The following KIF24 variants were observed in gnomAD, a reference collection of about 807,000 sequenced individuals.
KIF24 encodes kinesin family member 24, also known as kinesin-like protein KIF24.
KIF24 carries 81 observed loss-of-function variants against 118.9 expected under a neutral mutation model. The ratio of observed to expected loss-of-function variants is 0.68; its 90% CI spans 0.57 to 0.82. The LOEUF is 0.82. KIF24 is among the 40% of genes least tolerant of loss of function. The probability of loss-of-function intolerance (pLI) is 0.00; values close to 1 mark genes in which losing one functional copy is unlikely to be tolerated. For missense variants in KIF24, 1,560 were observed against 1,661.6 expected (o/e 0.94, Z 1.06); for synonymous variants, 599 against 610.0 (o/e 0.98, Z 0.27).
chr9:34,270,237 C>G (rs888647272), intron 7 of KIF24, among the ~76,000 whole-genome samples: 9 of 150,224 alleles, frequency 6.0e-5, no homozygotes, highest in African/African-American at 2.2e-4. Context: ...AAAAAATTGG[C>G]TGGGCATGGT....
At chr9:34,329,354 C>T (rs1267687414), upstream of KIF24, among the ~76,000 whole-genome samples, 2 of 152,256 alleles carry the variant, frequency 1.3e-5, no homozygotes, top group South Asian at 2.1e-4. Flanking sequence ...TTGACTTCTC[C>T]TCTGGAAGAC....
intron 6 of KIF24, among the ~76,000 whole-genome samples, chr9:34,277,870 C>T (rs543127887): frequency 5.9e-5 from 9 of 152,306 alleles, no homozygotes; most frequent in South Asian, 2.1e-4. Context: ...GCAGTTAAAA[C>T]GGTGAAATCT....
intron 3 of KIF24, among the ~76,000 whole-genome samples, chr9:34,304,894 AT>A (rs930541565): frequency 6.6e-6 from 1 of 151,876 alleles, no homozygotes; most frequent in African/African-American, 2.4e-5. Context: ...AGCATACCAG[AT>A]TTTTTTTTCT....
At chr9:34,314,324 C>T (rs567712734) in intron 1 of KIF24, among the ~76,000 whole-genome samples, 67 of 152,102 alleles carry the variant, frequency 4.4e-4, no homozygotes, top group African/African-American at 1.5e-3. Flanking sequence ...CCACCACGCC[C>T]GGCTAATTTT....
rs1419661883 is a variant in KIF24, at chr9:34,278,175, G to A, written c.1216-6245C>T. On this transcript the variant is annotated intron_variant, in intron 6 of 12. Transcript: ENST00000402558. Reference sequence around the variant, plus strand: ...TGTAATCCCAGCACTTTGGGAGGCCGAGGTGAGTGGATCACCTGAGGTCAG... The same window carrying A: ...TGTAATCCCAGCACTTTGGGAGGCCAAGGTGAGTGGATCACCTGAGGTCAG... 2.6e-5 allele frequency among the ~76,000 whole-genome samples: 4 copies of A among 152,010 alleles called. No homozygotes were observed. The East Asian group carries it at 7.7e-4, about 29-fold the overall frequency.
chr9:34,318,780 T>C lies in KIF24; in HGVS notation c.-25-7409A>G, dbSNP rs1837416887. Reference sequence around the variant, plus strand: ...CTCAGCAACTCCACCGCGCGCAACGTGACCTGGAAGCTGTGCAGTCGCCTG... The same window carrying C: ...CTCAGCAACTCCACCGCGCGCAACGCGACCTGGAAGCTGTGCAGTCGCCTG... On this transcript the variant is annotated intron_variant, in intron 1 of 12. Coordinates refer to ENST00000402558, the MANE Select transcript of KIF24 (RefSeq NM_194313.4). This position sits in a 1 kb window ranked among gnomAD's most constrained non-coding sequence, Gnocchi z 4.9. 6.5e-7 allele frequency: 1 copy of C among 1,538,044 alleles called. No homozygotes were observed. The highest frequency in any genetic ancestry group is 1.4e-5 in the African/African-American group (1 of 73,870).
chr9:34,282,458 A>T (rs1835880360), intron 6 of KIF24: 1 of 152,088 alleles, frequency 6.6e-6, no homozygotes, highest in South Asian at 2.1e-4. Context: ...TGGTTGCATA[A>T]CTTCATGAAT....
Position 34,318,129 on chromosome 9 carries a change from G to C in KIF24, c.-25-6758C>G, listed in dbSNP as rs1837386023. On this transcript the variant is annotated intron_variant, in intron 1 of 12. Coordinates refer to ENST00000402558, the MANE Select transcript of KIF24 (RefSeq NM_194313.4). The surrounding 1 kb of genome is among the most constrained non-coding windows in gnomAD (Gnocchi z 4.9). The stretch of plus-strand genomic sequence containing the variant: ...AGGGAGGAGAACAAACAAGTCTAAA[G>C]CTGGTGGTTTAACAAGATAAATACA... Among the ~76,000 whole-genome samples the C allele has an allele frequency of 1.3e-5, 2 of 152,078 alleles. No homozygotes were observed. The highest frequency in any genetic ancestry group is 2.9e-5 in the Non-Finnish European group (2 of 68,018).
intron 4 of KIF24, among the ~76,000 whole-genome samples, chr9:34,291,873 C>T (rs554946712): frequency 6.3e-4 from 96 of 152,078 alleles, no homozygotes; most frequent in Middle Eastern, 3.4e-3. Context: ...AAAAGTCAAG[C>T]TGGGAAATGG....
intron 8 of KIF24, among the ~76,000 whole-genome samples, chr9:34,263,553 C>G (rs751597377): frequency 3.3e-5 from 5 of 152,248 alleles, no homozygotes; most frequent in Non-Finnish European, 4.4e-5. Flanking sequence ...TGCACTTAAA[C>G]AGACAAAATA....
chr9:34,280,350 T>C (rs1314827667), intron 6 of KIF24, among the ~76,000 whole-genome samples: 4 of 143,174 alleles, frequency 2.8e-5, no homozygotes, highest in African/African-American at 8.0e-5. Flanking sequence ...GATGCAGGGG[T>C]TGACTCAACA....
In KIF24 at chr9:34,257,042, G is replaced by A. The variant is rs1212075850; in HGVS notation, c.2565C>T (p.Phe855=). The A allele has an allele frequency of 5.6e-6, 9 of 1,613,938 alleles. No homozygotes were observed. Residue 855 remains phenylalanine (F), a synonymous_variant, in exon 11 of 13, where the codon TTC becomes TTT. Coordinates refer to ENST00000402558, the MANE Select transcript of KIF24 (RefSeq NM_194313.4). ...RNTLENSEDS[F]FLHQTWGQGP... Reference sequence around the variant, plus strand: ...CCTGTCCCCACGTCTGGTGCAGGAAGAATGAGTCTTCGCTATTCTCCAGGG... The same window carrying A: ...CCTGTCCCCACGTCTGGTGCAGGAAAAATGAGTCTTCGCTATTCTCCAGGG...
chr9:34,279,489 G>C (rs986835399), intron 6 of KIF24, among the ~76,000 whole-genome samples: 1 of 152,200 alleles, frequency 6.6e-6, no homozygotes, highest in African/African-American at 2.4e-5. Flanking sequence ...ACAAAATCTC[G>C]ATTCCAAATC....
At chr9:34,266,757 G>A (rs1005007360) in intron 8 of KIF24, among the ~76,000 whole-genome samples, 2 of 151,958 alleles carry the variant, frequency 1.3e-5, no homozygotes, top group Non-Finnish European at 2.9e-5. Flanking sequence ...TCGAGGTCTG[G>A]AGAGGGAAAT....
intron 6 of KIF24, among the ~76,000 whole-genome samples, chr9:34,281,143 A>C (rs758481457): frequency 1.3e-5 from 2 of 152,250 alleles, no homozygotes; most frequent in Non-Finnish European, 2.9e-5. Context: ...CTCCTGCCTC[A>C]GCCTCCCAAG....
chr9:34,276,119 G>A (rs1212640685), intron 6 of KIF24, among the ~76,000 whole-genome samples: 2 of 151,960 alleles, frequency 1.3e-5, no homozygotes, highest in Non-Finnish European at 2.9e-5. Flanking sequence ...TAAGAATAAT[G>A]AGGCTGGGCA....
At chr9:34,277,743 T>G (rs1307377368) in intron 6 of KIF24, among the ~76,000 whole-genome samples, 1 of 152,214 alleles carries the variant, frequency 6.6e-6, no homozygotes, top group Non-Finnish European at 1.5e-5. Flanking sequence ...CTTGCTGTAG[T>G]CATGCCTTCC....
At chr9:34,325,056 G>T (rs1449728278) in intron 1 of KIF24, among the ~76,000 whole-genome samples, 2 of 152,056 alleles carry the variant, frequency 1.3e-5, no homozygotes, top group African/African-American at 4.8e-5. Context: ...AATGTGTCTT[G>T]CCCAGGCAGA....
intron 5 of KIF24, 108 bp downstream of exon 5, chr9:34,290,066 A>T (rs1289572643): frequency 2.2e-5 from 15 of 684,828 alleles, no homozygotes; most frequent in Non-Finnish European, 3.7e-5. Context: ...ACAAAAGGGC[A>T]CTAATGTACC....
Sources: allele counts gnomAD v4.1 joint callset (sites outside exome capture counted in the v4.1 genomes callset), GRCh38; gene constraint gnomAD v4.1.1; non-coding constraint Gnocchi (gnomAD v3.1); transcripts MANE v1.5; gene names NCBI Gene and HGNC (gene_info 2026-07-23, HGNC 2026-07-21).